The following PPP2R2C variants were observed in gnomAD, a reference collection of about 807,000 sequenced individuals.
PPP2R2C encodes protein phosphatase 2, regulatory subunit B, gamma.
A neutral mutation model predicts 45.3 loss-of-function variants in PPP2R2C; 10 were observed. The observed-to-expected ratio is 0.22, with a 90% CI of 0.14 to 0.37. The LOEUF is 0.37. Among genes scored for constraint, PPP2R2C ranks in the 10% least tolerant of loss-of-function variants. PPP2R2C has a pLI of 1.00. For missense variants in PPP2R2C, 308 were observed against 619.7 expected, an observed-to-expected ratio of 0.50 and a Z score of 5.34; for synonymous variants, 257 against 245.4, an observed-to-expected ratio of 1.05 and a Z score of -0.44.
At chr4:6,409,682 A>AC (rs892096009) in intron 1 of PPP2R2C, among the ~76,000 whole-genome samples, 23 of 151,994 alleles carry the variant, frequency 1.5e-4, no homozygotes, top group African/African-American at 5.3e-4. Flanking sequence ...AGAGGCTGCC[A>AC]CCCCCCCATA....
chr4:6,382,286 G>C, intron 1 of PPP2R2C: 1 of 1,265,708 alleles, frequency 7.9e-7, no homozygotes, highest in Non-Finnish European at 1.0e-6. Context: ...TTGCTCTCCT[G>C]GCCTGGATTC....
intron 1 of PPP2R2C, among the ~76,000 whole-genome samples, chr4:6,387,135 T>C (rs957731187): frequency 6.6e-6 from 1 of 152,110 alleles, no homozygotes; most frequent in Non-Finnish European, 1.5e-5. Context: ...ACACATGTGA[T>C]TGGAGTTGTA....
At chr4:6,445,066 G>A (rs895194343) in intron 1 of PPP2R2C, among the ~76,000 whole-genome samples, 1 of 152,136 alleles carries the variant, frequency 6.6e-6, no homozygotes, top group African/African-American at 2.4e-5. Flanking sequence ...GTGCCTGCCT[G>A]TAGTCCCAGC....
chr4:6,323,449 G>T lies in PPP2R2C; in HGVS notation c.1197C>A (p.Arg399=), dbSNP rs576151108. Residue 399 remains arginine (R), a synonymous_variant, in exon 9 of 9, where the codon CGC becomes CGA. Coordinates refer to ENST00000382599, the MANE Select transcript of PPP2R2C (RefSeq NM_020416.4). The stretch of plus-strand genomic sequence containing the variant: ...TGTCCACACTGATGTCATCACGCCG[G>T]CGCTTGCCCCCCACGCACACGCGCC... ...KPRRVCVGGK[R]RRDDISVDSL... is the part of the protein sequence containing the mutation. 8 of 1,613,462 alleles carry T rather than the reference G, an allele frequency of 5.0e-6. No homozygotes were observed. Among genetic ancestry groups the T allele is most frequent in the Non-Finnish European group, 5.9e-6 (7 of 1,179,424 alleles).
intron 1 of PPP2R2C, among the ~76,000 whole-genome samples, chr4:6,411,275 G>C (rs1415149915): frequency 1.3e-5 from 2 of 152,130 alleles, no homozygotes; most frequent in African/African-American, 4.8e-5. Context: ...TCCAGCCCCT[G>C]CAATCCTCCT....
chr4:6,451,336 G>A (rs1308427365), intron 1 of PPP2R2C, among the ~76,000 whole-genome samples: 2 of 152,202 alleles, frequency 1.3e-5, no homozygotes, highest in Non-Finnish European at 2.9e-5. Flanking sequence ...CAGGCTTCTC[G>A]GCACGGCCCA....
chr4:6,381,453 C>A, intron 1 of PPP2R2C: 1 of 1,374,700 alleles, frequency 7.3e-7, no homozygotes, highest in South Asian at 1.5e-5. Flanking sequence ...TCTCCCACAC[C>A]TACCCCTGCC....
At chr4:6,453,726 T>C (rs574889610) in intron 1 of PPP2R2C, among the ~76,000 whole-genome samples, 8 of 152,150 alleles carry the variant, frequency 5.3e-5, no homozygotes, top group Non-Finnish European at 1.2e-4. Context: ...CCACACTGAA[T>C]TAGCCAAGCA....
rs1284033133 is a variant in PPP2R2C, at chr4:6,321,567, T to G, written c.*1735A>C. The G allele has an allele frequency of 1.3e-5, 2 of 152,460 alleles. No individual in the cohort carries two copies. Among genetic ancestry groups the G allele is most frequent in the East Asian group, 1.9e-4 (1 of 5,204 alleles). The allele number at this position is 152,460 out of a possible 1,614,324, so 9.4% of individuals were successfully genotyped here. A position where few individuals can be genotyped will look rare whatever the true frequency, so the allele number is the denominator to read the frequency against. On this transcript the variant is annotated 3_prime_UTR_variant, in exon 9 of 9. Coordinates refer to ENST00000382599, the MANE Select transcript of PPP2R2C (RefSeq NM_020416.4). ...GTGAGTACACATGCACTTTGTGCTTTTACACACACAAAAGTATACTGTAAT... is the reference window on the plus strand; with the variant it reads ...GTGAGTACACATGCACTTTGTGCTTGTACACACACAAAAGTATACTGTAAT...
At position 6,333,743 on chromosome 4, in the gene PPP2R2C, G is replaced by C; in HGVS notation, c.791-12C>G. The C allele has an allele frequency of 6.2e-7, 1 of 1,613,976 alleles. No homozygotes were observed. Among genetic ancestry groups the C allele is most frequent in the Non-Finnish European group, 8.5e-7 (1 of 1,179,910 alleles). ...AGGCTCTTCAAAGACTGTGGAGACA[G>C]AGAAGCAATGGCCGTCACTGCGCTG... On this transcript the variant is annotated splice_polypyrimidine_tract_variant and intron_variant, in intron 6 of 8. Transcript: ENST00000382599.
Position 6,323,152 on chromosome 4 carries a change from C to A in PPP2R2C, c.*150G>T. 1 of 914,936 alleles carries A rather than the reference C, an allele frequency of 1.1e-6. No individual in the cohort carries two copies. The highest frequency in any genetic ancestry group is 1.5e-6 in the Non-Finnish European group (1 of 653,052). The allele number at this position is 914,936 out of a possible 1,614,324, so 56.7% of individuals were successfully genotyped here. On this transcript the variant is annotated 3_prime_UTR_variant, in exon 9 of 9. Transcript: ENST00000382599. ...TAGGAAAGCTGGGGCAGGGAGGGGG[C>A]CCAAACTTCCTGTGTCCACACACTG...
Position 6,368,240 on chromosome 4 carries a change from C to A in PPP2R2C, c.625+4283G>T, listed in dbSNP as rs921671983. ...ATCCTCACTTGGCAAAAACCACACC[C>A]CTGGCTTACCCTCCACCGACCTGAG... On this transcript the variant is annotated intron_variant, in intron 5 of 8. Transcript: ENST00000382599. The surrounding 1 kb of genome is among the most constrained non-coding windows in gnomAD (Gnocchi z 4.2). Among the ~76,000 whole-genome samples, 3 of 152,182 alleles carry A rather than the reference C, an allele frequency of 2.0e-5. No homozygotes were observed. Among genetic ancestry groups the A allele is most frequent in the Non-Finnish European group, 4.4e-5 (3 of 68,040 alleles).
At chr4:6,511,519 GTGGTGA>G (rs1560593805) in intron 2 of PPP2R2C, among the ~76,000 whole-genome samples, 473 of 17,196 alleles carry the variant, frequency 0.028, 73 homozygotes, top group East Asian at 0.12. Flanking sequence ...GGTGGTGGTG[GTGGTGA>G]TGGTGGTGGT....
chr4:6,366,856 G>C (rs1158534467), intron 5 of PPP2R2C, among the ~76,000 whole-genome samples: 8 of 152,174 alleles, frequency 5.3e-5, no homozygotes, highest in Admixed American at 5.2e-4. Context: ...GGGCACTGTG[G>C]AGGGGCTCAG....
At chr4:6,414,521 A>C (rs533473368) in intron 1 of PPP2R2C, among the ~76,000 whole-genome samples, 120 of 152,122 alleles carry the variant, frequency 7.9e-4, no homozygotes, top group African/African-American at 2.4e-3. Flanking sequence ...GGCACCAACA[A>C]CAACTGGTCA....
intron 5 of PPP2R2C, among the ~76,000 whole-genome samples, chr4:6,363,012 G>T (rs925423989): frequency 6.6e-6 from 1 of 152,098 alleles, no homozygotes; most frequent in Admixed American, 6.5e-5. Context: ...AGTTAACATC[G>T]GCAGCGTGCT....
intron 1 of PPP2R2C, among the ~76,000 whole-genome samples, chr4:6,562,467 T>TGG (rs1334563037): frequency 3.7e-5 from 1 of 26,748 alleles, no homozygotes; most frequent in African/African-American, 7.9e-5. Context: ...TTCAACGGAG[T>TGG]CGGGGGGGGG....
intron 2 of PPP2R2C, among the ~76,000 whole-genome samples, chr4:6,525,242 T>C (rs1036035842): frequency 6.6e-6 from 1 of 151,870 alleles, no homozygotes; most frequent in Admixed American, 6.6e-5. Flanking sequence ...CCATCTCTAC[T>C]AAAAATAAAA....
intron 1 of PPP2R2C, among the ~76,000 whole-genome samples, chr4:6,449,169 C>T (rs1577191307): frequency 6.6e-6 from 1 of 152,188 alleles, no homozygotes; most frequent in Non-Finnish European, 1.5e-5. Flanking sequence ...AAGGCCCACT[C>T]GTGGGATTTA....
Sources: gnomAD v4.1 joint callset for allele counts (sites outside exome capture counted in the v4.1 genomes callset) on GRCh38, gnomAD v4.1.1 for gene constraint, Gnocchi (gnomAD v3.1) non-coding constraint, MANE v1.5 for transcripts, NCBI Gene and HGNC (gene_info 2026-07-23, HGNC 2026-07-21) for gene names.